Variants in HLA-DQB2 observed in about 807,000 individuals in gnomAD.
The protein encoded by HLA-DQB2 is major histocompatibility complex, class II, DQ beta 2, also known as HLA class II histocompatibility antigen, DQ beta 2 chain.
HLA-DQB2 carries 24 observed loss-of-function variants against 29.2 expected under a neutral mutation model. That is an observed-to-expected ratio of 0.82 (90% CI 0.60 to 1.16). The LOEUF (loss-of-function observed/expected upper bound fraction) is 1.16. HLA-DQB2 is among the 50% of genes most tolerant of loss of function. The probability of loss-of-function intolerance (pLI) is 0.00; values close to 1 mark genes in which losing one functional copy is unlikely to be tolerated. For synonymous variants in HLA-DQB2, 104 were observed against 133.1 expected (o/e 0.78, Z 1.51); for missense variants, 273 against 343.6 (o/e 0.79, Z 1.62).
intron 3 of HLA-DQB2, among the ~76,000 whole-genome samples, chr6:32,758,497 A>G (rs9276578): frequency 0.13 from 20,020 of 152,222 alleles, 1,575 homozygotes; most frequent in Non-Finnish European, 0.18. Context: ...TCATAAGCCA[A>G]TTAAACCTCT....
intron 3 of HLA-DQB2, among the ~76,000 whole-genome samples, chr6:32,758,358 C>T (rs947256065): frequency 3.3e-5 from 5 of 152,090 alleles, no homozygotes; most frequent in Non-Finnish European, 5.9e-5. Context: ...GCACCAACCC[C>T]CTCTCTCTCA....
intron 2 of HLA-DQB2, among the ~76,000 whole-genome samples, chr6:32,760,621 G>A (rs1387577963): frequency 1.3e-5 from 2 of 152,168 alleles, no homozygotes; most frequent in Non-Finnish European, 2.9e-5. Flanking sequence ...TAGTGATGGG[G>A]GGAGGGAGAA....
chr6:32,759,222 A>C (rs1764559120), intron 2 of HLA-DQB2, 91 bp from the exon 3 acceptor site: 1 of 1,465,624 alleles, frequency 6.8e-7, no homozygotes, highest in South Asian at 1.3e-5. Context: ...CCTTGGAACC[A>C]GAATAGAAAG....
At position 32,763,512 on chromosome 6, in the gene HLA-DQB2, T is replaced by A; in HGVS notation, c.-42A>T. 8.0e-7 allele frequency: 1 copy of A among 1,245,318 alleles called. No homozygotes were observed. Among genetic ancestry groups the A allele is most frequent in the Non-Finnish European group, 1.2e-6 (1 of 867,098 alleles). 77.1% of individuals were successfully genotyped at this position (1,245,318 alleles called of 1,614,324 possible). ...GAGACCAAGGAAAAAGCAGTGGTAG[T>A]CAACACAGCTCAAACCTAATGGATC... On this transcript the variant is annotated 5_prime_UTR_variant, in exon 1 of 6. Transcript: ENST00000437316.
chr6:32,758,771 A>C, intron 3 of HLA-DQB2, 79 bp downstream of exon 3: 1 of 1,510,022 alleles, frequency 6.6e-7, no homozygotes, highest in Non-Finnish European at 9.0e-7. Flanking sequence ...GGGACAAGAG[A>C]TGGGATGGGA....
At chr6:32,757,747 C>T (rs771657669) in intron 4 of HLA-DQB2, 26 bp downstream of exon 4, 21 of 1,447,198 alleles carry the variant, frequency 1.5e-5, no homozygotes, top group Non-Finnish European at 1.9e-5. Flanking sequence ...AGCTCATCTT[C>T]CCCATTTCCC....
At chr6:32,756,536 A>C in intron 5 of HLA-DQB2, 70 bp from the exon 6 acceptor site, 1 of 1,545,366 alleles carries the variant, frequency 6.5e-7, no homozygotes, top group Non-Finnish European at 8.7e-7. Context: ...CCTAGTCCTC[A>C]GTTCCCTCTG....
rs778632746 is a variant in HLA-DQB2, at chr6:32,758,946, T to C, written c.550A>G (p.Ile184Val). ...GGAGTTATTTCCAGCATCACCAGAA[T>C]CTGGAAGGTCCAGTCACCATTCCTA... The part of the protein sequence containing the change: ...LIRNGDWTFQ[I>V]LVMLEITPQR... Residue 184 changes from isoleucine to valine, a missense_variant, in exon 3 of 6, where the codon ATT becomes GTT. Ile to Val is a conservative substitution (Grantham distance 29). Transcript: ENST00000437316. The C allele has an allele frequency of 6.2e-7, 1 of 1,614,230 alleles. No individual in the cohort carries two copies. Among genetic ancestry groups the C allele is most frequent in the Non-Finnish European group, 8.5e-7 (1 of 1,180,036 alleles).
chr6:32,759,363 CA>C (rs1345251509), intron 2 of HLA-DQB2, among the ~76,000 whole-genome samples: 2 of 136,074 alleles, frequency 1.5e-5, no homozygotes, highest in South Asian at 2.5e-4. Flanking sequence ...TAACAGAGAC[CA>C]AAAAATTGAA....
chr6:32,761,486 C>T (rs1207035455), intron 2 of HLA-DQB2, among the ~76,000 whole-genome samples, 174 bp downstream of exon 2: 2 of 152,052 alleles, frequency 1.3e-5, no homozygotes, highest in Non-Finnish European at 2.9e-5. Flanking sequence ...CCCTGCTCTG[C>T]CCTAGATCCC....
At chr6:32,759,770 G>T (rs571129479) in intron 2 of HLA-DQB2, among the ~76,000 whole-genome samples, 8 of 152,204 alleles carry the variant, frequency 5.3e-5, no homozygotes, top group Non-Finnish European at 1.2e-4. Context: ...ACATTATCAT[G>T]TACGTTCTCC....
chr6:32,756,490 A>G (rs7774973), intron 5 of HLA-DQB2, 24 bp from the exon 6 acceptor site: 118,964 of 1,565,068 alleles, frequency 0.076, 6,492 homozygotes, highest in African/African-American at 0.25. Context: ...ACGAGGCATG[A>G]TCAGCACAGG....
In HLA-DQB2 at chr6:32,761,826, C is replaced by T; in HGVS notation, c.198G>A (p.Gly66=). ...ACTCCCCAACGTCGCTGTCGAAGCG[C>T]CCGTACTCCTCGCGGTTATAGATGT... ...ARYIYNREEY[G]RFDSDVGEFQ... Residue 66 remains glycine (G), a synonymous_variant, in exon 2 of 6, where the codon GGG becomes GGA. Coordinates refer to ENST00000437316, the MANE Select transcript of HLA-DQB2 (RefSeq NM_001300790.2). The T allele has an allele frequency of 1.9e-6, 3 of 1,605,702 alleles. No homozygotes were observed. Among genetic ancestry groups the T allele is most frequent in the East Asian group, 2.3e-5 (1 of 44,364 alleles).
chr6:32,756,923 C>G (rs1027581662), intron 5 of HLA-DQB2: 1 of 1,204,192 alleles, frequency 8.3e-7, no homozygotes, highest in African/African-American at 1.5e-5. Flanking sequence ...TCTGGAGATT[C>G]GTAGAAACTG....
In HLA-DQB2 at chr6:32,763,120, T is replaced by C. The variant is rs113807311; in HGVS notation, c.97+254A>G. On this transcript the variant is annotated intron_variant, in intron 1 of 5. Transcript: ENST00000437316. ...GGTCATTTTGTCCTGTCACAGGTAGTGAATGCACACTTTGTCTCCTCTTTC... is the reference window on the plus strand; with the variant it reads ...GGTCATTTTGTCCTGTCACAGGTAGCGAATGCACACTTTGTCTCCTCTTTC... Among the ~76,000 whole-genome samples, 452 of 152,338 alleles carry C rather than the reference T, an allele frequency of 3.0e-3. 2 individuals are homozygous for C. Among genetic ancestry groups the C allele is most frequent in the African/African-American group, 0.01 (429 of 41,570 alleles).
intron 2 of HLA-DQB2, among the ~76,000 whole-genome samples, chr6:32,761,011 G>C (rs1462801475): frequency 6.6e-6 from 1 of 152,278 alleles, no homozygotes; most frequent in African/African-American, 2.4e-5. Context: ...CCACATGCCG[G>C]TCCACGAGTC....
At chr6:32,758,812 G>C in intron 3 of HLA-DQB2, 38 bp downstream of exon 3, 1 of 1,592,416 alleles carries the variant, frequency 6.3e-7, no homozygotes, top group Non-Finnish European at 8.6e-7. Flanking sequence ...CCTTTGTCTT[G>C]TGGGGCCCAC....
chr6:32,759,949 C>T (rs766553157), intron 2 of HLA-DQB2, among the ~76,000 whole-genome samples: 1 of 152,154 alleles, frequency 6.6e-6, no homozygotes, highest in Non-Finnish European at 1.5e-5. Flanking sequence ...TGGACTTGAA[C>T]TTTTCTTTAG....
Position 32,761,919 on chromosome 6 carries a change from G to T in HLA-DQB2, c.105C>A (p.Phe35Leu), listed in dbSNP as rs1764875616. 6.2e-7 allele frequency: 1 copy of T among 1,609,978 alleles called. No homozygotes were observed. Among genetic ancestry groups the T allele is most frequent in the Non-Finnish European group, 8.5e-7 (1 of 1,178,478 alleles). The stretch of plus-strand genomic sequence containing the variant: ...AGCACATGCCCTTAAACTGGACCAA[G>T]AAATCCTCTGCGGAGAATCACGGCG... ...VAEARDFPKD[F>L]LVQFKGMCYF... is the part of the protein sequence containing the mutation. Residue 35 changes from phenylalanine (F) to leucine (L), a missense_variant, in exon 2 of 6, where the codon TTC becomes TTA. Coordinates refer to ENST00000437316, the MANE Select transcript of HLA-DQB2 (RefSeq NM_001300790.2).
Sources: gnomAD v4.1 joint callset for allele counts (sites outside exome capture counted in the v4.1 genomes callset) on GRCh38, gnomAD v4.1.1 for gene constraint, MANE v1.5 for transcripts, NCBI Gene and HGNC (gene_info 2026-07-23, HGNC 2026-07-21) for gene names.